The following LAMA3 variants were observed in gnomAD, a reference collection of about 807,000 sequenced individuals.
The protein encoded by LAMA3 is laminin subunit alpha-3.
Under a neutral mutation model 402.0 loss-of-function variants are expected in LAMA3, and 281 were observed. The ratio of observed to expected loss-of-function variants is 0.70; its 90% CI spans 0.63 to 0.77. The LOEUF (loss-of-function observed/expected upper bound fraction) is 0.77. LAMA3 is among the 30% of genes least tolerant of loss of function. LAMA3 has a pLI of 0.00. For synonymous variants in LAMA3, 1,431 were observed against 1,558.4 expected (o/e 0.92, Z 1.93); for missense variants, 3,840 against 4,215.5 (o/e 0.91, Z 2.47).
intron 62 of LAMA3, among the ~76,000 whole-genome samples, chr18:23,927,193 CAG>C (rs1214057723): frequency 6.6e-6 from 1 of 152,152 alleles, no homozygotes; most frequent in Non-Finnish European, 1.5e-5. Context: ...TTTTTTGAGG[CAG>C]AGTCTCGCTT....
Position 23,953,025 on chromosome 18 carries a change from G to A in LAMA3, c.9772G>A (p.Asp3258Asn). ...ACAACACATCCTGCACCTGGAACTG[G>A]ACACAGACAGTAGCTACACAGCTGG... ...IKQHILHLEL[D>N]TDSSYTAGQI... Residue 3258 changes from aspartate to asparagine, a missense_variant, in exon 74 of 75, where the codon GAC becomes AAC. By Grantham distance (23) the Asp-to-Asn change is conservative. This residue lies in a region of LAMA3 where 840 missense variants were observed against 981.9 expected (regional missense o/e 0.86). Coordinates refer to ENST00000313654, the MANE Select transcript of LAMA3 (RefSeq NM_198129.4). 6.2e-7 allele frequency: 1 copy of A among 1,614,082 alleles called. No individual in the cohort carries two copies. Among genetic ancestry groups the A allele is most frequent in the Admixed American group, 1.7e-5 (1 of 60,012 alleles).
chr18:23,844,066 A>G (rs1245310522), intron 29 of LAMA3, among the ~76,000 whole-genome samples: 2 of 152,184 alleles, frequency 1.3e-5, no homozygotes, highest in African/African-American at 2.4e-5. Flanking sequence ...TCGTCTTCCC[A>G]GGAGACAAGG....
chr18:23,816,627 A>G (rs2063181411), intron 18 of LAMA3, 140 bp downstream of exon 18: 1 of 730,520 alleles, frequency 1.4e-6, no homozygotes, highest in Non-Finnish European at 2.4e-6. Context: ...GTCAATTGAA[A>G]TCTGGACATT....
intron 6 of LAMA3, among the ~76,000 whole-genome samples, chr18:23,756,231 C>G (rs1267031098): frequency 6.6e-6 from 1 of 152,114 alleles, no homozygotes; most frequent in Non-Finnish European, 1.5e-5. Context: ...ATATATGCCA[C>G]GCCACCTTCC....
intron 2 of LAMA3, among the ~76,000 whole-genome samples, chr18:23,718,959 T>G (rs556147681): frequency 1.6e-4 from 24 of 152,320 alleles, no homozygotes; most frequent in African/African-American, 5.8e-4. Context: ...TTTCCCTGCC[T>G]CTCAATGGGC....
chr18:23,953,696 G>C (rs2083008368), intron 74 of LAMA3, among the ~76,000 whole-genome samples: 1 of 152,156 alleles, frequency 6.6e-6, no homozygotes, highest in African/African-American at 2.4e-5. Flanking sequence ...CTAGAAGCCT[G>C]ATACCAGTAA....
rs747038332 is a variant in LAMA3 at position 23,777,633 on chromosome 18, CTT to C, written c.1468+17_1468+18del. On this transcript the variant is annotated intron_variant, in intron 11 of 74. Transcript: ENST00000313654. Reference sequence around the variant, plus strand: ...GAGATATAAAAGGCAAGTAACCTCCCTTTTGGTTTAACTCCAGTGAAAATGTT... The same window carrying C: ...GAGATATAAAAGGCAAGTAACCTCCCTTGGTTTAACTCCAGTGAAAATGTT... The C allele has an allele frequency of 1.7e-4, 270 of 1,593,782 alleles. No homozygotes were observed. The highest frequency in any genetic ancestry group is 2.2e-4 in the Non-Finnish European group (252 of 1,161,642).
chr18:23,692,737 T>C (rs900839590), intron 1 of LAMA3, among the ~76,000 whole-genome samples: 11 of 152,198 alleles, frequency 7.2e-5, no homozygotes, highest in African/African-American at 1.4e-4. Flanking sequence ...AATTCTTCTA[T>C]TATTGTCTTC....
intron 70 of LAMA3, 158 bp downstream of exon 70, chr18:23,946,442 T>C: frequency 1.2e-6 from 1 of 851,004 alleles, no homozygotes; most frequent in Non-Finnish European, 1.9e-6. Flanking sequence ...ATAGAGTAAG[T>C]GCCCATTTCT....
At chr18:23,869,249 G>A (rs2144797265) in intron 37 of LAMA3, among the ~76,000 whole-genome samples, 1 of 152,324 alleles carries the variant, frequency 6.6e-6, no homozygotes, top group African/African-American at 2.4e-5. Context: ...TTATATGATA[G>A]TAACATACCA....
chr18:23,837,293 G>C, intron 25 of LAMA3: 1 of 574,902 alleles, frequency 1.7e-6, no homozygotes, highest in Middle Eastern at 4.7e-4. Context: ...ATAAAATTTA[G>C]TCATATTTAA....
In LAMA3 at chr18:23,769,663, G is replaced by A. The variant is rs184630980; in HGVS notation, c.1183-3834G>A. 1.3e-4 allele frequency among the ~76,000 whole-genome samples: 20 copies of A among 152,254 alleles called. No homozygotes were observed. In the East Asian group the frequency reaches 2.3e-3, roughly 18 times the overall value. ...CAGGGGATGAAGTGCATGCATGTGCGCAAGCACACACACACACAAAACCAC... is the reference window on the plus strand; with the variant it reads ...CAGGGGATGAAGTGCATGCATGTGCACAAGCACACACACACACAAAACCAC... On this transcript the variant is annotated intron_variant, in intron 8 of 74. Transcript: ENST00000313654.
intron 12 of LAMA3, among the ~76,000 whole-genome samples, chr18:23,797,710 G>A (rs767817231): frequency 6.7e-6 from 1 of 149,106 alleles, no homozygotes; most frequent in Non-Finnish European, 1.5e-5. Flanking sequence ...GCGAGACTCC[G>A]TCTCAAAAAA....
Position 23,933,788 on chromosome 18 carries a change from A to G in LAMA3, c.8715A>G (p.Ser2905=). The G allele has an allele frequency of 6.2e-7, 1 of 1,614,046 alleles. No individual in the cohort carries two copies. Among genetic ancestry groups the G allele is most frequent in the Non-Finnish European group, 8.5e-7 (1 of 1,179,986 alleles). ...CISNVFVQRL[S]LSPEVLDLTS... ...ATTTCTGCTCTTTTTCCAGGTTATC[A>G]CTGAGTCCTGAAGTCCTAGATTTGA... The change falls in exon 67 of 75, where the codon TCA becomes TCG. Residue 2905 remains serine (S), a synonymous_variant. Coordinates refer to ENST00000313654, the MANE Select transcript of LAMA3 (RefSeq NM_198129.4).
At chr18:23,692,698 T>C (rs1219699810) in intron 1 of LAMA3, among the ~76,000 whole-genome samples, 1 of 152,242 alleles carries the variant, frequency 6.6e-6, no homozygotes, top group Non-Finnish European at 1.5e-5. Flanking sequence ...TTGTTTTCTA[T>C]ATGCCTTATA....
rs562901368 is a variant in LAMA3, at chr18:23,918,309, A to G, written c.7923+1614A>G. 6.6e-6 allele frequency among the ~76,000 whole-genome samples: 1 copy of G among 152,250 alleles called. No individual in the cohort carries two copies. Among genetic ancestry groups the G allele is most frequent in the Admixed American group, 6.5e-5 (1 of 15,290 alleles). On this transcript the variant is annotated intron_variant, in intron 60 of 74. Coordinates refer to ENST00000313654, the MANE Select transcript of LAMA3 (RefSeq NM_198129.4). The surrounding 1 kb of genome is among the most constrained non-coding windows in gnomAD (Gnocchi z 4.1). The stretch of plus-strand genomic sequence containing the variant: ...ACATGCCCCCCAAAATGTGGGAGAA[A>G]TCTCCCCTTTTCCTGTTCTATTCTC...
intron 59 of LAMA3, among the ~76,000 whole-genome samples, chr18:23,916,005 C>CAAA (rs1408575781): frequency 1.2e-4 from 5 of 41,954 alleles, no homozygotes; most frequent in African/African-American, 2.7e-4. Context: ...GACTCCATCT[C>CAAA]CAAAAAAAAA....
At chr18:23,877,307 A>G (rs2064754621) in intron 39 of LAMA3, among the ~76,000 whole-genome samples, 1 of 152,244 alleles carries the variant, frequency 6.6e-6, no homozygotes, top group Non-Finnish European at 1.5e-5. Flanking sequence ...AAATTCTTCT[A>G]CCTAAAATTA....
chr18:23,928,059 C>A, intron 62 of LAMA3, 64 bp from the exon 63 acceptor site: 1 of 1,129,898 alleles, frequency 8.9e-7, no homozygotes, highest in Non-Finnish European at 1.4e-6. Flanking sequence ...CACAGCGTTT[C>A]AGCTCTGATT....
Sources: allele counts gnomAD v4.1 joint callset (sites outside exome capture counted in the v4.1 genomes callset), GRCh38; gene constraint gnomAD v4.1.1; regional missense constraint gnomAD v4.1.1; non-coding constraint Gnocchi (gnomAD v3.1); transcripts MANE v1.5; gene names NCBI Gene and HGNC (gene_info 2026-07-23, HGNC 2026-07-21).